ZFHX3: variants seen among roughly 807,000 people sequenced by gnomAD.
ZFHX3 encodes the protein zinc finger homeobox 3.
Under a neutral mutation model 279.1 loss-of-function variants are expected in ZFHX3, and 42 were observed. The observed-to-expected ratio is 0.15, with a 90% CI of 0.12 to 0.19. ZFHX3 has a LOEUF of 0.19. Ranked by LOEUF, ZFHX3 falls within the 10% of genes least tolerant of loss-of-function variation. The probability of loss-of-function intolerance (pLI) is 1.00; values close to 1 mark genes in which losing one functional copy is unlikely to be tolerated. For synonymous variants in ZFHX3, 2,293 were observed against 1,957.8 expected, an observed-to-expected ratio of 1.17 and a Z score of -4.52; for missense variants, 4,981 against 4,754.0, an observed-to-expected ratio of 1.05 and a Z score of -1.40.
chr16:73,824,197 T>A (rs1269499748), intron 1 of ZFHX3, among the ~76,000 whole-genome samples: 1 of 152,108 alleles, frequency 6.6e-6, no homozygotes, highest in Non-Finnish European at 1.5e-5. Context: ...GGAGAAAAAG[T>A]TATGTTGCGT....
chr16:72,855,351 A>C (rs1197812290), intron 4 of ZFHX3, among the ~76,000 whole-genome samples: 1 of 152,238 alleles, frequency 6.6e-6, no homozygotes, highest in Non-Finnish European at 1.5e-5. Flanking sequence ...GTGTGAGAGC[A>C]TGAGTGAATG....
intron 3 of ZFHX3, among the ~76,000 whole-genome samples, chr16:73,358,359 C>T (rs776185740): frequency 9.2e-5 from 14 of 152,250 alleles, no homozygotes; most frequent in African/African-American, 1.7e-4. Context: ...CCATCACTTG[C>T]TCTGATGTGA....
At chr16:72,961,438 C>A (rs965880965) in intron 1 of ZFHX3, among the ~76,000 whole-genome samples, 7 of 152,184 alleles carry the variant, frequency 4.6e-5, no homozygotes, top group Non-Finnish European at 7.3e-5. Flanking sequence ...TGGCCCTGCT[C>A]CTACAGGCAG....
chr16:73,774,608 C>T (rs1176170930), intron 1 of ZFHX3, among the ~76,000 whole-genome samples: 1 of 152,178 alleles, frequency 6.6e-6, no homozygotes, highest in East Asian at 1.9e-4. Context: ...AAAGATGGTG[C>T]CATTTGTAAG....
At chr16:72,951,976 C>T (rs1334777966) in intron 2 of ZFHX3, among the ~76,000 whole-genome samples, 2 of 152,208 alleles carry the variant, frequency 1.3e-5, no homozygotes, top group African/African-American at 2.4e-5. Flanking sequence ...TGGGGCTGGA[C>T]GTGGTGTCTC....
intron 3 of ZFHX3, among the ~76,000 whole-genome samples, chr16:73,399,269 G>A (rs559277582): frequency 6.6e-6 from 1 of 152,114 alleles, no homozygotes; most frequent in South Asian, 2.1e-4. Flanking sequence ...TTTTTAGAAA[G>A]GTAGAATATT....
At chr16:73,268,517 C>G (rs1015407472) in intron 4 of ZFHX3, among the ~76,000 whole-genome samples, 1 of 152,200 alleles carries the variant, frequency 6.6e-6, no homozygotes, top group African/African-American at 2.4e-5. Flanking sequence ...CTGAATGGCT[C>G]TGGCATCTGT....
At chr16:73,355,292 C>T (rs2143297107) in intron 3 of ZFHX3, among the ~76,000 whole-genome samples, 1 of 152,270 alleles carries the variant, frequency 6.6e-6, no homozygotes, top group South Asian at 2.1e-4. Flanking sequence ...TAAAGATTTT[C>T]CCAGTGGACT....
At chr16:73,233,460 C>A (rs1047113861) in intron 5 of ZFHX3, among the ~76,000 whole-genome samples, 1 of 152,210 alleles carries the variant, frequency 6.6e-6, no homozygotes, top group African/African-American at 2.4e-5. Flanking sequence ...ATAGCAGGAG[C>A]TGCTGATTCT....
intron 3 of ZFHX3, among the ~76,000 whole-genome samples, chr16:73,331,385 A>T (rs16971716): frequency 6.6e-6 from 1 of 152,182 alleles, no homozygotes; most frequent in Non-Finnish European, 1.5e-5. Flanking sequence ...GCATCCTGAG[A>T]GTAGAAAATG....
At chr16:73,657,406 C>A (rs1301825778) in intron 2 of ZFHX3, among the ~76,000 whole-genome samples, 1 of 152,206 alleles carries the variant, frequency 6.6e-6, no homozygotes, top group African/African-American at 2.4e-5. Flanking sequence ...TGCAGCGAGC[C>A]AAGATCGCGC....
chr16:72,900,946 A>G (rs1037268758), intron 3 of ZFHX3, among the ~76,000 whole-genome samples: 1 of 152,238 alleles, frequency 6.6e-6, no homozygotes, highest in South Asian at 2.1e-4. Flanking sequence ...GGCTTTTCCC[A>G]AAGAGTATCT....
intron 3 of ZFHX3, among the ~76,000 whole-genome samples, chr16:73,381,107 C>T (rs370273798): frequency 2.0e-5 from 3 of 152,138 alleles, no homozygotes; most frequent in African/African-American, 4.8e-5. Flanking sequence ...TCTCTCCAGA[C>T]CCTGACTGAT....
intron 3 of ZFHX3, among the ~76,000 whole-genome samples, chr16:73,403,546 G>A (rs1449993916): frequency 1.1e-5 from 1 of 91,834 alleles, no homozygotes; most frequent in African/African-American, 7.9e-5. Context: ...AAGGCCACAT[G>A]CAATTTTTTT....
intron 1 of ZFHX3, among the ~76,000 whole-genome samples, chr16:73,813,166 G>A (rs192906674): frequency 6.7e-4 from 101 of 151,718 alleles, no homozygotes; most frequent in African/African-American, 1.8e-3. Flanking sequence ...CTGATCCCTC[G>A]CTGTCTCTCT....
intron 1 of ZFHX3, among the ~76,000 whole-genome samples, chr16:73,736,403 G>T (rs1192367484): frequency 1.3e-5 from 2 of 152,162 alleles, no homozygotes; most frequent in African/African-American, 4.8e-5. Flanking sequence ...CTGCTTCTCT[G>T]CTCAAACCTT....
rs745331079 is a variant in ZFHX3 at position 73,416,751 on chromosome 16, G to A, written c.-1291+39252C>T. Among the ~76,000 whole-genome samples, 12 of 146,716 alleles carry A rather than the reference G, an allele frequency of 8.2e-5. No homozygotes were observed. The East Asian group carries it at 1.6e-3, about 19-fold the overall frequency. The stretch of plus-strand genomic sequence containing the variant: ...TAGCCGGGTGCGGTGGCGGGCGCCT[G>A]TAGTCCCAGCTACCAGGGAGGCTGA... On this transcript the variant is annotated intron_variant, in intron 3 of 17. Transcript: ENST00000641206.
At chr16:72,834,643 T>C (rs886212539) in intron 4 of ZFHX3, among the ~76,000 whole-genome samples, 1 of 152,018 alleles carries the variant, frequency 6.6e-6, no homozygotes, top group Admixed American at 6.6e-5. Context: ...CCATGGGAAT[T>C]TGCACCAATC....
At chr16:73,410,115 A>T (rs1344023412) in intron 3 of ZFHX3, among the ~76,000 whole-genome samples, 2 of 152,204 alleles carry the variant, frequency 1.3e-5, no homozygotes, top group African/African-American at 4.8e-5. Flanking sequence ...TTTATTGTAC[A>T]TTCAAAAATA....
Sources: allele counts gnomAD v4.1 joint callset (sites outside exome capture counted in the v4.1 genomes callset), GRCh38; gene constraint gnomAD v4.1.1; transcripts MANE v1.5; gene names NCBI Gene and HGNC (gene_info 2026-07-23, HGNC 2026-07-21).